Variants in DISC1 observed in about 807,000 individuals in gnomAD.
DISC1 encodes DISC1 scaffold protein, also known as disrupted in schizophrenia 1 protein.
DISC1 carries 57 observed loss-of-function variants against 84.5 expected under a neutral mutation model. The observed-to-expected ratio is 0.67, with a 90% CI of 0.55 to 0.84. The LOEUF (loss-of-function observed/expected upper bound fraction) is 0.84, where lower values mean the gene tolerates loss of function less well. DISC1 is among the 40% of genes least tolerant of loss of function. The pLI, the probability that DISC1 is intolerant of heterozygous loss-of-function variation, is 0.00. For missense variants in DISC1, 1,000 were observed against 1,057.8 expected, an observed-to-expected ratio of 0.95 and a Z score of 0.76; for synonymous variants, 411 against 415.2, an observed-to-expected ratio of 0.99 and a Z score of 0.12.
chr1:231,626,898 G>A lies in DISC1; in HGVS notation c.31G>A (p.Ala11Thr). ...AGGCGGGGGTCCTCAGGGCGCCCCA[G>A]CCGCCGCCGGCGGCGGCGGCGTGAG... Reference protein sequence around the residue: MPGGGPQGAPAAAGGGGVSHR... With the variant: MPGGGPQGAPTAAGGGGVSHR... The change falls in exon 1 of 13, where the codon GCC becomes ACC. Residue 11 changes from alanine (A) to threonine (T), a missense_variant. By Grantham distance (58) the Ala-to-Thr change is moderately conservative (BLOSUM62 0). Around this residue, in one of 3 missense-constraint regions of DISC1, gnomAD observed 292 missense variants for 280.2 expected, o/e 1.04. Transcript: ENST00000439617. 1 of 1,501,988 alleles carries A rather than the reference G, an allele frequency of 6.7e-7. No individual in the cohort carries two copies. Among genetic ancestry groups the A allele is most frequent in the Admixed American group, 2.2e-5 (1 of 45,492 alleles). 93.0% of individuals were successfully genotyped at this position (1,501,988 alleles called of 1,614,324 possible).
intron 9 of DISC1, among the ~76,000 whole-genome samples, chr1:231,864,795 A>G (rs2084937790): frequency 6.6e-6 from 1 of 152,236 alleles, no homozygotes; most frequent in Non-Finnish European, 1.5e-5. Flanking sequence ...AAATTCTTGT[A>G]TATTGTTCCT....
At chr1:231,857,412 A>G (rs1279244077) in intron 9 of DISC1, among the ~76,000 whole-genome samples, 3 of 152,244 alleles carry the variant, frequency 2.0e-5, no homozygotes, top group Non-Finnish European at 2.9e-5. Context: ...TTATCTGGAT[A>G]AGTGTCATTG....
At chr1:231,775,073 A>G (rs113082686) in intron 6 of DISC1, among the ~76,000 whole-genome samples, 9 of 152,338 alleles carry the variant, frequency 5.9e-5, no homozygotes, top group South Asian at 2.1e-4. Context: ...AGTCTTATAA[A>G]GAGAAGTTGC....
intron 5 of DISC1, among the ~76,000 whole-genome samples, chr1:231,768,956 G>A (rs2076359991): frequency 6.6e-6 from 1 of 152,180 alleles, no homozygotes; most frequent in Non-Finnish European, 1.5e-5. Context: ...AAGGCTTAGA[G>A]TGGGAGTGGG....
chr1:231,739,669 T>G (rs775556343), intron 3 of DISC1, among the ~76,000 whole-genome samples: 3 of 152,266 alleles, frequency 2.0e-5, no homozygotes, highest in Non-Finnish European at 4.4e-5. Context: ...TTGTTGATCT[T>G]TGTAGCCCAA....
chr1:232,028,249 TG>T (rs1669664588), intron 12 of DISC1, among the ~76,000 whole-genome samples: 1 of 152,000 alleles, frequency 6.6e-6, no homozygotes, highest in Non-Finnish European at 1.5e-5. Context: ...AGAGAGTCAA[TG>T]GATATGAAGG....
At chr1:231,772,533 T>C (rs1395852630) in intron 6 of DISC1, among the ~76,000 whole-genome samples, 1 of 152,190 alleles carries the variant, frequency 6.6e-6, no homozygotes, top group Non-Finnish European at 1.5e-5. Flanking sequence ...CAACTCATTA[T>C]TGGCCGATTT....
intron 12 of DISC1, among the ~76,000 whole-genome samples, chr1:232,032,488 A>G (rs183866514): frequency 1.5e-3 from 226 of 152,288 alleles, no homozygotes; most frequent in Non-Finnish European, 2.4e-3. Flanking sequence ...CTTACCTACC[A>G]TGTGGATAGT....
chr1:231,928,686 G>A (rs2090487154), intron 9 of DISC1, among the ~76,000 whole-genome samples: 1 of 152,118 alleles, frequency 6.6e-6, no homozygotes, highest in Non-Finnish European at 1.5e-5. Context: ...TTTGTCCTGT[G>A]GGCATTTAGT....
intron 12 of DISC1, among the ~76,000 whole-genome samples, chr1:232,034,469 T>C (rs1331271831): frequency 6.6e-6 from 1 of 152,264 alleles, no homozygotes; most frequent in African/African-American, 2.4e-5. Flanking sequence ...GATTGTTGTA[T>C]GAGCGGCTGA....
intron 3 of DISC1, among the ~76,000 whole-genome samples, chr1:231,731,497 C>T (rs545963508): frequency 1.3e-5 from 2 of 152,204 alleles, no homozygotes; most frequent in South Asian, 4.2e-4. Context: ...GCATGCTGGG[C>T]CTGTCTTTGA....
Position 232,008,920 on chromosome 1 carries a change from G to A in DISC1, c.2178G>A (p.Glu726=), listed in dbSNP as rs768670397. The A allele has an allele frequency of 6.8e-6, 11 of 1,613,758 alleles. No homozygotes were observed. Among genetic ancestry groups the A allele is most frequent in the Non-Finnish European group, 8.5e-6 (10 of 1,179,798 alleles). ...VEDERQMDDL[E]GAAPPIPPRL... is the part of the protein sequence containing the mutation. ...ATGAGAGGCAGATGGATGACTTAGA[G>A]GGAGCTGCTCCTCCTATTCCCCCCA... Residue 726 remains glutamate, a synonymous_variant, in exon 11 of 13, where the codon GAG becomes GAA. Transcript: ENST00000439617.
At chr1:231,647,677 C>T (rs1467436731) in intron 1 of DISC1, among the ~76,000 whole-genome samples, 1 of 152,144 alleles carries the variant, frequency 6.6e-6, no homozygotes, top group Admixed American at 6.5e-5. Context: ...GATATTGATT[C>T]TTCCTATCCA....
chr1:231,769,434 C>T (rs923148897), intron 5 of DISC1, among the ~76,000 whole-genome samples: 1 of 152,132 alleles, frequency 6.6e-6, no homozygotes, highest in African/African-American at 2.4e-5. Flanking sequence ...ATATTAGTCT[C>T]GGAAGGAAAT....
At chr1:231,652,276 A>G (rs1419509225) in intron 1 of DISC1, among the ~76,000 whole-genome samples, 1 of 152,250 alleles carries the variant, frequency 6.6e-6, no homozygotes, top group African/African-American at 2.4e-5. Flanking sequence ...TGAAATGTGC[A>G]CATGTGCTCT....
intron 9 of DISC1, chr1:231,944,013 C>T (rs2091481475): frequency 6.6e-6 from 1 of 152,110 alleles, no homozygotes; most frequent in African/African-American, 2.4e-5. Flanking sequence ...CATGAACCAC[C>T]ACACCCAGCC....
At chr1:231,824,926 C>T in intron 9 of DISC1, among the ~76,000 whole-genome samples, 1 of 151,766 alleles carries the variant, frequency 6.6e-6, no homozygotes, top group East Asian at 1.9e-4. Context: ...ATCCATCCAT[C>T]CTTTCCACAA....
chr1:231,744,790 C>G (rs973483500), intron 3 of DISC1, among the ~76,000 whole-genome samples: 4 of 152,146 alleles, frequency 2.6e-5, no homozygotes, highest in African/African-American at 9.7e-5. Flanking sequence ...GGTGATCTAT[C>G]TATCTATTCT....
At chr1:232,028,738 A>G (rs909975951) in intron 12 of DISC1, among the ~76,000 whole-genome samples, 2 of 152,200 alleles carry the variant, frequency 1.3e-5, no homozygotes. Flanking sequence ...AGTTCTTAGT[A>G]TATTAGTCAC....
Sources: allele counts gnomAD v4.1 joint callset (sites outside exome capture counted in the v4.1 genomes callset), GRCh38; gene constraint gnomAD v4.1.1; regional missense constraint gnomAD v4.1.1; transcripts MANE v1.5; gene names NCBI Gene and HGNC (gene_info 2026-07-23, HGNC 2026-07-21).